Variants in RSPH14 observed in about 807,000 individuals in gnomAD.
RSPH14 encodes rhabdoid tumor deletion region gene 1.
Under a neutral mutation model 26.7 loss-of-function variants are expected in RSPH14, and 20 were observed. That is an observed-to-expected ratio of 0.75 (90% CI 0.53 to 1.09). The LOEUF is 1.09. RSPH14 is among the 50% of genes least tolerant of loss of function. RSPH14 has a pLI of 0.00. For synonymous variants in RSPH14, 177 were observed against 189.3 expected, an observed-to-expected ratio of 0.93 and a Z score of 0.53; for missense variants, 449 against 457.2, an observed-to-expected ratio of 0.98 and a Z score of 0.16.
the RSPH14 span, among the ~76,000 whole-genome samples, chr22:23,179,544 C>T: frequency 6.6e-6 from 1 of 152,346 alleles, no homozygotes; most frequent in East Asian, 1.9e-4. Context: ...CAGGGAAGTT[C>T]TGAGTCAGGT....
chr22:23,099,928 T>TA (rs1012958955), intron 4 of RSPH14, among the ~76,000 whole-genome samples: 20 of 152,276 alleles, frequency 1.3e-4, no homozygotes. Flanking sequence ...GCGGATCAGC[T>TA]AATGGACTCT....
intron 4 of RSPH14, among the ~76,000 whole-genome samples, chr22:23,064,451 C>A (rs2146214052): frequency 6.6e-6 from 1 of 152,270 alleles, no homozygotes; most frequent in Middle Eastern, 3.4e-3. Flanking sequence ...ATAAGCCACC[C>A]CTCGGAGAGC....
At chr22:23,131,216 G>GT (rs2070354604) in intron 4 of RSPH14, 1 of 155,584 alleles carries the variant, frequency 6.4e-6, no homozygotes, top group Non-Finnish European at 1.4e-5. Context: ...TGTTATTTAG[G>GT]TTTTTTAAGG....
chr22:23,101,895 A>G (rs984479417), intron 4 of RSPH14, among the ~76,000 whole-genome samples: 1 of 152,168 alleles, frequency 6.6e-6, no homozygotes, highest in Non-Finnish European at 1.5e-5. Flanking sequence ...GCAGGCATGG[A>G]ATTGGGAGCA....
At chr22:23,145,209 C>G, upstream of RSPH14, 1 of 714,256 alleles carries the variant, frequency 1.4e-6, no homozygotes, top group South Asian at 1.7e-5. Flanking sequence ...TCAGCCCCAC[C>G]CAGGGCTCAG....
At chr22:23,130,922 C>T (rs559283428) in intron 4 of RSPH14, among the ~76,000 whole-genome samples, 1 of 152,392 alleles carries the variant, frequency 6.6e-6, no homozygotes, top group East Asian at 1.9e-4. Flanking sequence ...CAATATCCAG[C>T]AAAGCTGAAG....
upstream of RSPH14, among the ~76,000 whole-genome samples, chr22:23,146,281 T>G (rs2070765115): frequency 6.6e-6 from 1 of 152,226 alleles, no homozygotes; most frequent in Admixed American, 6.5e-5. Context: ...CCTTCACGGT[T>G]CACTGCACCC....
At chr22:23,131,395 G>A (rs949902534) in intron 4 of RSPH14, 8 of 242,376 alleles carry the variant, frequency 3.3e-5, no homozygotes, top group Non-Finnish European at 5.0e-5. Context: ...GGAAAGGCAG[G>A]AGGAAGAGTG....
rs1307717776 is a variant in RSPH14 at position 23,075,253 on chromosome 22, C to T, written c.422-11120G>A. On this transcript the variant is annotated intron_variant, in intron 4 of 6. Transcript: ENST00000216036. ...GTGGGTTGCGTTGGACTTTCAGGGCCGCTGGAGTCAGTCACACCCAGCCTG... is the reference window on the plus strand; with the variant it reads ...GTGGGTTGCGTTGGACTTTCAGGGCTGCTGGAGTCAGTCACACCCAGCCTG... Among the ~76,000 whole-genome samples the T allele has an allele frequency of 2.0e-5, 3 of 152,136 alleles. No individual in the cohort carries two copies. The South Asian group carries it at 6.2e-4, about 31-fold the overall frequency.
the RSPH14 span, among the ~76,000 whole-genome samples, chr22:23,178,289 G>A: frequency 2.6e-5 from 4 of 152,080 alleles, no homozygotes; most frequent in Non-Finnish European, 5.9e-5. Context: ...GATGGCAGGC[G>A]CCTGTAATTC....
intron 4 of RSPH14, among the ~76,000 whole-genome samples, chr22:23,116,859 G>A (rs1028712213): frequency 2.0e-5 from 3 of 152,112 alleles, no homozygotes; most frequent in Non-Finnish European, 4.4e-5. Flanking sequence ...CAGTCCAGAG[G>A]CCTCTTAAAA....
At chr22:23,173,623 T>G in the RSPH14 span, among the ~76,000 whole-genome samples, 1 of 99,886 alleles carries the variant, frequency 1.0e-5, no homozygotes, top group African/African-American at 4.2e-5. Flanking sequence ...TTATTTTTGG[T>G]TTTTTGTTTT....
intron 4 of RSPH14, among the ~76,000 whole-genome samples, chr22:23,069,523 G>A (rs902092436): frequency 1.3e-5 from 2 of 152,192 alleles, no homozygotes; most frequent in African/African-American, 4.8e-5. Context: ...GTTTTGCTGA[G>A]GGTCTGATGC....
chr22:23,124,198 T>TTG (rs1362456419), intron 4 of RSPH14: 4 of 181,594 alleles, frequency 2.2e-5, no homozygotes, highest in African/African-American at 1.4e-4. Context: ...ACATTTTTTT[T>TTG]TTGTTTTGTT....
Position 23,080,139 on chromosome 22 carries a change from C to A in RSPH14, c.422-16006G>T, listed in dbSNP as rs529367941. On this transcript the variant is annotated intron_variant, in intron 4 of 6. Transcript: ENST00000216036. ...CACTTCTTCTCTGCTGTCATGGCCA[C>A]CCTCTCCTCCATAGGTGGAACCTTT... Among the ~76,000 whole-genome samples, 6 of 152,352 alleles carry A rather than the reference C, an allele frequency of 3.9e-5. No homozygotes were observed. In the South Asian group the frequency reaches 8.3e-4, roughly 21 times the overall value.
At chr22:23,145,661 C>A (rs904664973), upstream of RSPH14, 2 of 1,276,902 alleles carry the variant, frequency 1.6e-6, no homozygotes, top group Non-Finnish European at 2.1e-6. Flanking sequence ...CTTCCCGCCC[C>A]TATAACTTGA....
chr22:23,086,861 C>T (rs2146289424), intron 4 of RSPH14, among the ~76,000 whole-genome samples: 1 of 152,326 alleles, frequency 6.6e-6, no homozygotes, highest in African/African-American at 2.4e-5. Context: ...CACCTGGCTC[C>T]TCAGCAACAG....
At position 23,063,996 on chromosome 22, in the gene RSPH14, G is replaced by C. The variant is rs1168517283; in HGVS notation, c.559C>G (p.Leu187Val). ...LCLQEDATEALGSNVVLVLKQ... is the reference protein window; with the variant it reads ...LCLQEDATEAVGSNVVLVLKQ... ...AGGACAAGCACCACATTGCTGCCCA[G>C]GGCCTCGGTGGCATCCTCCTGCAGG... Residue 187 changes from leucine (L) to valine (V), a missense_variant, in exon 5 of 7, where the codon CTG becomes GTG. Coordinates refer to ENST00000216036, the MANE Select transcript of RSPH14 (RefSeq NM_014433.3). The C allele has an allele frequency of 1.1e-5, 18 of 1,614,100 alleles. No individual in the cohort carries two copies. The highest frequency in any genetic ancestry group is 2.2e-5 in the East Asian group (1 of 44,900).
At chr22:23,103,770 T>TC in intron 4 of RSPH14, among the ~76,000 whole-genome samples, 1 of 152,132 alleles carries the variant, frequency 6.6e-6, no homozygotes, top group East Asian at 1.9e-4. Context: ...ACAAACTCAG[T>TC]CTAGGGACAG....
Sources: gnomAD v4.1 joint callset for allele counts (sites outside exome capture counted in the v4.1 genomes callset) on GRCh38, gnomAD v4.1.1 for gene constraint, MANE v1.5 for transcripts, NCBI Gene and HGNC (gene_info 2026-07-23, HGNC 2026-07-21) for gene names.